The following C1QTNF3 variants were observed in gnomAD, a reference collection of about 807,000 sequenced individuals.
C1QTNF3 encodes C1q and TNF related 3.
A neutral mutation model predicts 32.6 loss-of-function variants in C1QTNF3; 26 were observed. That is an observed-to-expected ratio of 0.80 (90% confidence interval 0.58 to 1.11). The LOEUF is 1.11. C1QTNF3 is among the 50% of genes least tolerant of loss of function. C1QTNF3 has a pLI of 0.00. For synonymous variants in C1QTNF3, 155 were observed against 146.0 expected (o/e 1.06, Z -0.44); for missense variants, 362 against 398.2 (o/e 0.91, Z 0.77).
chr5:34,215,861 TG>T, the C1QTNF3 span, among the ~76,000 whole-genome samples: 1 of 152,134 alleles, frequency 6.6e-6, no homozygotes, highest in Non-Finnish European at 1.5e-5. Flanking sequence ...TTGAGCTCTT[TG>T]CCCCAAGCAA....
chr5:34,099,069 T>C, the C1QTNF3 span, among the ~76,000 whole-genome samples: 1 of 152,200 alleles, frequency 6.6e-6, no homozygotes, highest in Non-Finnish European at 1.5e-5. Flanking sequence ...ATATGAATAT[T>C]GGTGGCAGAA....
chr5:34,106,261 T>C, the C1QTNF3 span: 5 of 151,850 alleles, frequency 3.3e-5, no homozygotes, highest in East Asian at 1.9e-4. Flanking sequence ...TTGAGAGAAA[T>C]TGCACTTTCA....
At chr5:34,118,517 T>A in the C1QTNF3 span, among the ~76,000 whole-genome samples, 2 of 152,222 alleles carry the variant, frequency 1.3e-5, no homozygotes, top group African/African-American at 4.8e-5. Flanking sequence ...TTCTTTTGTC[T>A]TCAGTTTTGA....
chr5:34,101,299 C>G, the C1QTNF3 span, among the ~76,000 whole-genome samples: 3 of 149,578 alleles, frequency 2.0e-5, no homozygotes, highest in Non-Finnish European at 4.5e-5. Flanking sequence ...GGTTAAAAAC[C>G]TGGGTCCTCC....
At chr5:34,164,183 CA>C in the C1QTNF3 span, among the ~76,000 whole-genome samples, 1 of 152,102 alleles carries the variant, frequency 6.6e-6, no homozygotes, top group African/African-American at 2.4e-5. Flanking sequence ...AAAGAAATTA[CA>C]GCAAAACGGT....
the C1QTNF3 span, among the ~76,000 whole-genome samples, chr5:34,091,441 CTTCT>C: frequency 6.6e-6 from 1 of 152,192 alleles, no homozygotes; most frequent in Non-Finnish European, 1.5e-5. Context: ...TCTTCCTCTC[CTTCT>C]TTCTCTTCTT....
the C1QTNF3 span, chr5:34,189,337 A>C: frequency 2.2e-6 from 1 of 460,702 alleles, no homozygotes; most frequent in South Asian, 5.8e-5. Context: ...TCAGTGATCC[A>C]CGGGCAGATC....
chr5:34,195,467 A>G, the C1QTNF3 span, among the ~76,000 whole-genome samples: 1 of 150,630 alleles, frequency 6.6e-6, no homozygotes, highest in Admixed American at 6.6e-5. Context: ...AGAGAAAGAA[A>G]CCTATCAGAT....
chr5:34,211,630 G>A, the C1QTNF3 span, among the ~76,000 whole-genome samples: 1 of 146,594 alleles, frequency 6.8e-6, no homozygotes, highest in Non-Finnish European at 1.5e-5. Flanking sequence ...GTATGAGTGA[G>A]AACATCCGGT....
the C1QTNF3 span, among the ~76,000 whole-genome samples, chr5:34,104,858 T>C: frequency 6.6e-6 from 1 of 151,950 alleles, no homozygotes; most frequent in South Asian, 2.1e-4. Context: ...AATGTAAATA[T>C]AATAGATAAC....
At chr5:34,235,925 G>T in the C1QTNF3 span, among the ~76,000 whole-genome samples, 1 of 152,274 alleles carries the variant, frequency 6.6e-6, no homozygotes, top group African/African-American at 2.4e-5. Flanking sequence ...CATATAAACT[G>T]TTTTTTTAAG....
At chr5:34,049,278 G>A in the C1QTNF3 span, among the ~76,000 whole-genome samples, 32 of 152,286 alleles carry the variant, frequency 2.1e-4, no homozygotes, top group African/African-American at 7.7e-4. Context: ...TCAGAAGCCT[G>A]AGTCTCAGCC....
the C1QTNF3 span, among the ~76,000 whole-genome samples, chr5:34,201,603 G>T: frequency 6.6e-6 from 1 of 152,054 alleles, no homozygotes; most frequent in Non-Finnish European, 1.5e-5. Flanking sequence ...AACTTAGATG[G>T]TGCTAAAATT....
intron 1 of C1QTNF3, 26 bp from the exon 2 acceptor site, chr5:34,035,784 A>C (rs773213052): frequency 6.4e-7 from 1 of 1,568,614 alleles, no homozygotes. Flanking sequence ...GAGAAGCTTC[A>C]GAAAAAAAGG....
chr5:34,189,198 C>T, the C1QTNF3 span, among the ~76,000 whole-genome samples: 5 of 141,932 alleles, frequency 3.5e-5, no homozygotes, highest in Non-Finnish European at 6.2e-5. Flanking sequence ...CCACCACACC[C>T]GGCCTCTTTT....
chr5:34,175,084 C>T, the C1QTNF3 span, among the ~76,000 whole-genome samples: 1 of 146,986 alleles, frequency 6.8e-6, no homozygotes, highest in Non-Finnish European at 1.5e-5. Context: ...CACTCTGTTG[C>T]CCAGGCTCAA....
At chr5:34,171,729 C>G in the C1QTNF3 span, among the ~76,000 whole-genome samples, 2 of 152,076 alleles carry the variant, frequency 1.3e-5, no homozygotes, top group African/African-American at 4.8e-5. Context: ...GTTTCATTTA[C>G]CTTCAAGCAG....
the C1QTNF3 span, among the ~76,000 whole-genome samples, chr5:34,085,929 C>T: frequency 6.6e-6 from 1 of 150,830 alleles, no homozygotes; most frequent in Non-Finnish European, 1.5e-5. Flanking sequence ...CCCAGCAATC[C>T]CATTACTGGG....
chr5:34,054,000 G>C, the C1QTNF3 span, among the ~76,000 whole-genome samples: 2 of 152,188 alleles, frequency 1.3e-5, no homozygotes, highest in Admixed American at 1.3e-4. Context: ...ATGAGGCAGA[G>C]TGACAAGCAG....
Sources: gnomAD v4.1 joint callset for allele counts (sites outside exome capture counted in the v4.1 genomes callset) on GRCh38, gnomAD v4.1.1 for gene constraint, MANE v1.5 for transcripts, NCBI Gene and HGNC (gene_info 2026-07-23, HGNC 2026-07-21) for gene names.